The following MTERF4 variants were observed in gnomAD, a reference collection of about 807,000 sequenced individuals.
MTERF4 encodes transcription termination factor 4, mitochondrial.
Under a neutral mutation model 22.5 loss-of-function variants are expected in MTERF4, and 17 were observed. The ratio of observed to expected loss-of-function variants is 0.75; its 90% CI spans 0.52 to 1.13. MTERF4 has a LOEUF of 1.13. Among genes scored for constraint, MTERF4 ranks in the 50% most tolerant of loss-of-function variants. MTERF4 has a pLI of 0.00. For synonymous variants in MTERF4, 165 were observed against 175.3 expected (o/e 0.94, Z 0.47); for missense variants, 420 against 466.8 (o/e 0.90, Z 0.92).
chr2:241,078,929 C>T (rs1280764551), intron 4 of MTERF4, among the ~76,000 whole-genome samples: 2 of 150,580 alleles, frequency 1.3e-5, no homozygotes, highest in Non-Finnish European at 2.9e-5. Flanking sequence ...GCCTGGCCAA[C>T]ATAGGGAAAC....
the MTERF4 span, among the ~76,000 whole-genome samples, chr2:241,056,095 C>T: frequency 6.7e-6 from 1 of 149,958 alleles, no homozygotes; most frequent in Non-Finnish European, 1.5e-5. Context: ...TAGAAAAAGA[C>T]CTTATGGATC....
At chr2:241,077,751 C>T (rs2063098351) in intron 4 of MTERF4, among the ~76,000 whole-genome samples, 1 of 152,206 alleles carries the variant, frequency 6.6e-6, no homozygotes, top group African/African-American at 2.4e-5. Flanking sequence ...CGAAAAGATC[C>T]TTGACATCAT....
In MTERF4 at chr2:241,099,456, G is replaced by T; in HGVS notation, c.460C>A (p.Leu154Met). ...VLKKSPQLLK[L>M]PIMQMRKRSS... is the part of the protein sequence containing the mutation. ...CGCTTCCTCATTTGCATAATAGGCA[G>T]TTTCAATAACTGGGGACTTTTCTTC... Residue 154 changes from leucine to methionine, a missense_variant, in exon 2 of 4, where the codon CTG becomes ATG. Leu to Met is a conservative substitution (Grantham distance 15). Coordinates refer to ENST00000391980, the MANE Select transcript of MTERF4 (RefSeq NM_182501.4). 1 of 1,614,206 alleles carries T rather than the reference G, an allele frequency of 6.2e-7. No homozygotes were observed. Among genetic ancestry groups the T allele is most frequent in the South Asian group, 1.1e-5 (1 of 91,088 alleles).
downstream of MTERF4, chr2:241,093,033 T>C (rs2064139491): frequency 6.6e-6 from 1 of 152,200 alleles, no homozygotes; most frequent in Non-Finnish European, 1.5e-5. Context: ...TTAGAGTATA[T>C]TTTAGGCTTT....
At chr2:241,067,223 C>T (rs920166482), downstream of MTERF4, among the ~76,000 whole-genome samples, 1 of 152,224 alleles carries the variant, frequency 6.6e-6, no homozygotes, top group African/African-American at 2.4e-5. Flanking sequence ...GAGCGCTGCC[C>T]TCTGGGCTCT....
chr2:241,099,294 T>C, intron 2 of MTERF4, 102 bp downstream of exon 2: 1 of 1,329,764 alleles, frequency 7.5e-7, no homozygotes, highest in Middle Eastern at 1.9e-4. Flanking sequence ...AGGCTGATCT[T>C]GAACCCCTGA....
intron 4 of MTERF4, among the ~76,000 whole-genome samples, chr2:241,077,154 G>A (rs1407948478): frequency 6.6e-6 from 1 of 152,008 alleles, no homozygotes; most frequent in African/African-American, 2.4e-5. Context: ...CAAGGGGGCT[G>A]AAACCATTCA....
At chr2:241,098,809 A>G (rs971095349) in intron 2 of MTERF4, among the ~76,000 whole-genome samples, 1 of 152,200 alleles carries the variant, frequency 6.6e-6, no homozygotes, top group Non-Finnish European at 1.5e-5. Flanking sequence ...CACATACCAT[A>G]TGCCCACCAC....
chr2:241,048,870 T>C, the MTERF4 span: 14 of 1,208,646 alleles, frequency 1.2e-5, no homozygotes, highest in African/African-American at 1.4e-4. Context: ...CTGTCGACCA[T>C]TGGTTCTACC....
At chr2:241,089,909 C>A (rs2063803880), downstream of MTERF4, 10 of 1,526,646 alleles carry the variant, frequency 6.6e-6, no homozygotes, top group East Asian at 1.7e-4. Flanking sequence ...TAACACAGTG[C>A]CAAGTGTGTG....
At chr2:241,100,036 T>C (rs1430108565) in intron 1 of MTERF4, 142 bp from the exon 2 acceptor site, 3 of 1,041,112 alleles carry the variant, frequency 2.9e-6, no homozygotes, top group Admixed American at 2.9e-5. Context: ...AAATCCTATC[T>C]GAACTTAAGC....
intron 4 of MTERF4, among the ~76,000 whole-genome samples, chr2:241,076,663 C>G (rs977668514): frequency 6.6e-6 from 1 of 152,106 alleles, no homozygotes; most frequent in African/African-American, 2.4e-5. Flanking sequence ...GGAAGGAGTT[C>G]AAGACTAGCC....
At chr2:241,060,943 C>CA in the MTERF4 span, among the ~76,000 whole-genome samples, 9 of 151,320 alleles carry the variant, frequency 5.9e-5, no homozygotes, top group Admixed American at 3.3e-4. Context: ...AAAAAACAAC[C>CA]AAAAAAAACT....
chr2:241,094,618 AAC>A, downstream of MTERF4: 1 of 351,480 alleles, frequency 2.8e-6, no homozygotes, highest in Non-Finnish European at 5.6e-6. This position sits in a 1 kb window ranked among gnomAD's most constrained non-coding sequence, Gnocchi z 4.3. Context: ...GTCACGAGTG[AAC>A]AGTCACATTA....
chr2:241,061,510 G>T, the MTERF4 span, among the ~76,000 whole-genome samples: 2 of 152,150 alleles, frequency 1.3e-5, no homozygotes. Flanking sequence ...TCCAGCAATT[G>T]CACTTCTGGG....
At chr2:241,082,090 C>G (rs1184242214) in intron 4 of MTERF4, among the ~76,000 whole-genome samples, 1 of 152,182 alleles carries the variant, frequency 6.6e-6, no homozygotes, top group Non-Finnish European at 1.5e-5. Context: ...TCTCCACCCC[C>G]ACAATACCAA....
At chr2:241,063,824 G>T in the MTERF4 span, 5 of 831,454 alleles carry the variant, frequency 6.0e-6, no homozygotes, top group Non-Finnish European at 9.4e-6. Context: ...CCCCAGGGCT[G>T]CGGCCACCTT....
downstream of MTERF4, chr2:241,070,113 A>G (rs1422251949): frequency 6.2e-7 from 1 of 1,612,762 alleles, no homozygotes; most frequent in African/African-American, 1.3e-5. Context: ...TGCTGCCGGG[A>G]CGGCGGTACC....
At chr2:241,060,681 GCC>G in the MTERF4 span, among the ~76,000 whole-genome samples, 1 of 152,092 alleles carries the variant, frequency 6.6e-6, no homozygotes, top group Non-Finnish European at 1.5e-5. Context: ...CATGGCTCAT[GCC>G]TATAATCCCA....
Sources: allele counts gnomAD v4.1 joint callset (sites outside exome capture counted in the v4.1 genomes callset), GRCh38; gene constraint gnomAD v4.1.1; non-coding constraint Gnocchi (gnomAD v3.1); transcripts MANE v1.5; gene names NCBI Gene and HGNC (gene_info 2026-07-23, HGNC 2026-07-21).